FAM78B: variants seen among roughly 807,000 people sequenced by gnomAD.
The protein encoded by FAM78B is protein FAM78B.
Under a neutral mutation model 20.0 loss-of-function variants are expected in FAM78B, and 10 were observed. The ratio of observed to expected loss-of-function variants is 0.50; its 90% confidence interval spans 0.31 to 0.85. The LOEUF is 0.85. Among genes scored for constraint, FAM78B ranks in the 40% least tolerant of loss-of-function variants. The pLI is 0.05. For synonymous variants in FAM78B, 135 were observed against 132.8 expected (o/e 1.02, Z -0.12); for missense variants, 283 against 345.0 (o/e 0.82, Z 1.42).
intron 1 of FAM78B, among the ~76,000 whole-genome samples, chr1:166,091,606 T>G (rs1653076785): frequency 1.3e-5 from 2 of 152,188 alleles, no homozygotes; most frequent in Admixed American, 6.5e-5. Context: ...ACCAGCAGCA[T>G]GAGGACAGAC....
chr1:166,133,720 G>A (rs1015040954), intron 1 of FAM78B, among the ~76,000 whole-genome samples: 5 of 152,112 alleles, frequency 3.3e-5, no homozygotes, highest in African/African-American at 1.2e-4. Flanking sequence ...TTGCACACCT[G>A]TGGGCTTCAG....
intron 1 of FAM78B, among the ~76,000 whole-genome samples, chr1:166,158,854 T>G (rs368253833): frequency 2.6e-5 from 4 of 152,372 alleles, no homozygotes; most frequent in African/African-American, 9.6e-5. Flanking sequence ...ACTCTGCTTC[T>G]TTGTAAGTAT....
At chr1:166,063,272 C>T (rs748537382) in intron 2 of FAM78B, among the ~76,000 whole-genome samples, 9 of 152,216 alleles carry the variant, frequency 5.9e-5, no homozygotes, top group Non-Finnish European at 1.0e-4. Flanking sequence ...GTTGACAGAA[C>T]AAGTATTCAG....
Position 166,101,714 on chromosome 1 carries a change from A to C in FAM78B, c.264-30951T>G, listed in dbSNP as rs1196971999. On this transcript the variant is annotated intron_variant, in intron 1 of 1. Coordinates refer to ENST00000354422, the MANE Select transcript of FAM78B (RefSeq NM_001017961.5). ...CCAAGAAATATGGGACTATGTGAAA[A>C]GACCAAATCTACGTCTGATTGGTGT... Among the ~76,000 whole-genome samples the C allele has an allele frequency of 3.9e-5, 6 of 152,342 alleles. No individual in the cohort carries two copies. In the East Asian group the frequency reaches 5.8e-4, roughly 15 times the overall value.
chr1:166,140,560 G>A (rs1655241561), intron 1 of FAM78B, among the ~76,000 whole-genome samples: 1 of 152,230 alleles, frequency 6.6e-6, no homozygotes, highest in Non-Finnish European at 1.5e-5. Flanking sequence ...TTAAGGGAAA[G>A]ATGATAAAGC....
At chr1:166,091,418 G>A (rs1653068178) in intron 1 of FAM78B, among the ~76,000 whole-genome samples, 1 of 152,144 alleles carries the variant, frequency 6.6e-6, no homozygotes, top group African/African-American at 2.4e-5. Flanking sequence ...GAGATCTGAC[G>A]GTTTTAAAAA....
chr1:166,151,829 T>C (rs1655684469), intron 1 of FAM78B, among the ~76,000 whole-genome samples: 1 of 152,172 alleles, frequency 6.6e-6, no homozygotes, highest in Non-Finnish European at 1.5e-5. Context: ...AAAAACTTTA[T>C]CATGTAGACA....
rs1654552509 is a variant in FAM78B at position 166,123,993 on chromosome 1, C to T, written c.263+41993G>A. Reference sequence around the variant, plus strand: ...AGTGGGAAGAGGAGTGGGATCTGGGCTGCAGAAGCCAGGAGAAGGTGCTGA... The same window carrying T: ...AGTGGGAAGAGGAGTGGGATCTGGGTTGCAGAAGCCAGGAGAAGGTGCTGA... On this transcript the variant is annotated intron_variant, in intron 1 of 1. Transcript: ENST00000354422. Among the ~76,000 whole-genome samples, 3 of 152,244 alleles carry T rather than the reference C, an allele frequency of 2.0e-5. No individual in the cohort carries two copies. In the South Asian group the frequency reaches 6.2e-4, roughly 32 times the overall value.
rs1656367678 is a variant in FAM78B at position 166,166,109 on chromosome 1, G to A, written c.140C>T (p.Pro47Leu). ...TSPIVLRYKT[P>L]YFKASARVVM... ...CACGCGGGCGGAGGCTTTGAAGTAG[G>A]GGGTCTTGTAGCGCAGGACGATGGG... Residue 47 changes from proline to leucine, a missense_variant, in exon 1 of 2, where the codon CCC becomes CTC. By Grantham distance (98) the Pro-to-Leu change is moderately conservative. Transcript: ENST00000354422. 3 of 1,612,688 alleles carry A rather than the reference G, an allele frequency of 1.9e-6. No individual in the cohort carries two copies. The highest frequency in any genetic ancestry group is 1.7e-6 in the Non-Finnish European group (2 of 1,179,444).
At chr1:166,078,721 A>G (rs930879974) in intron 1 of FAM78B, among the ~76,000 whole-genome samples, 1 of 152,002 alleles carries the variant, frequency 6.6e-6, no homozygotes, top group Non-Finnish European at 1.5e-5. Context: ...GCTGGCAGCA[A>G]CATTCTTGGA....
intron 1 of FAM78B, among the ~76,000 whole-genome samples, chr1:166,124,015 C>G (rs1377080799): frequency 6.6e-6 from 1 of 152,216 alleles, no homozygotes; most frequent in Non-Finnish European, 1.5e-5. Context: ...GGAGAAGGTG[C>G]TGAACTGATG....
chr1:166,143,863 C>T (rs966653574), intron 1 of FAM78B, among the ~76,000 whole-genome samples: 4 of 152,182 alleles, frequency 2.6e-5, no homozygotes, highest in African/African-American at 9.7e-5. Context: ...CATGGAGCAA[C>T]TCTTTTAGTC....
chr1:166,138,707 A>T (rs1028591312), intron 1 of FAM78B, among the ~76,000 whole-genome samples: 1 of 152,190 alleles, frequency 6.6e-6, no homozygotes, highest in Non-Finnish European at 1.5e-5. Flanking sequence ...GCTCGTTTTG[A>T]GGGTCCAAGA....
chr1:166,089,341 C>T (rs186430998), intron 1 of FAM78B, among the ~76,000 whole-genome samples: 83 of 152,298 alleles, frequency 5.4e-4, no homozygotes, highest in Middle Eastern at 6.8e-3. Context: ...GACGAGGATC[C>T]ACCACAGCCT....
chr1:166,060,932 T>A (rs1476400740), intron 2 of FAM78B, among the ~76,000 whole-genome samples: 1 of 152,204 alleles, frequency 6.6e-6, no homozygotes, highest in Non-Finnish European at 1.5e-5. Context: ...GTGTAACCCA[T>A]TAGCAAGTCA....
At chr1:166,139,428 A>T (rs75488064) in intron 1 of FAM78B, among the ~76,000 whole-genome samples, 314 of 152,300 alleles carry the variant, frequency 2.1e-3, no homozygotes, top group African/African-American at 7.2e-3. Context: ...GGGGATACAG[A>T]GTTGAAACAA....
intron 1 of FAM78B, among the ~76,000 whole-genome samples, chr1:166,095,540 G>T (rs1571157117): frequency 6.6e-6 from 1 of 152,174 alleles, no homozygotes; most frequent in Non-Finnish European, 1.5e-5. Flanking sequence ...ATGGGCAGGG[G>T]AAGGGAGATT....
chr1:166,124,738 G>A (rs949675157), intron 1 of FAM78B, among the ~76,000 whole-genome samples: 1 of 152,238 alleles, frequency 6.6e-6, no homozygotes, highest in Non-Finnish European at 1.5e-5. Context: ...AATACTGTCT[G>A]ACAGAACTGA....
chr1:166,135,808 G>A (rs1370555273), intron 1 of FAM78B, among the ~76,000 whole-genome samples: 1 of 152,258 alleles, frequency 6.6e-6, no homozygotes, highest in Admixed American at 6.5e-5. Context: ...ACGGAAGGGA[G>A]GTCTATGCCG....
Sources: allele counts gnomAD v4.1 joint callset (sites outside exome capture counted in the v4.1 genomes callset), GRCh38; gene constraint gnomAD v4.1.1; transcripts MANE v1.5; gene names NCBI Gene and HGNC (gene_info 2026-07-23, HGNC 2026-07-21).